The following FSIP1 variants were observed in gnomAD, a reference collection of about 807,000 sequenced individuals.
The protein encoded by FSIP1 is fibrous sheath-interacting protein 1.
FSIP1 carries 65 observed loss-of-function variants against 60.9 expected under a neutral mutation model. That is an observed-to-expected ratio of 1.07 (90% CI 0.87 to 1.31). The LOEUF (loss-of-function observed/expected upper bound fraction) is 1.31, where lower values mean the gene tolerates loss of function less well. Among genes scored for constraint, FSIP1 ranks in the 40% most tolerant of loss-of-function variants. FSIP1 has a pLI of 0.00. For missense variants in FSIP1, 675 were observed against 665.5 expected (o/e 1.01, Z -0.16); for synonymous variants, 209 against 221.2 (o/e 0.94, Z 0.49).
chr15:39,743,614 G>T lies in FSIP1; in HGVS notation c.560-1714C>A, dbSNP rs541853072. Among the ~76,000 whole-genome samples the T allele has an allele frequency of 3.9e-5, 6 of 152,168 alleles. No individual in the cohort carries two copies. In the South Asian group the frequency reaches 1.2e-3, roughly 32 times the overall value. On this transcript the variant is annotated intron_variant, in intron 5 of 11. Transcript: ENST00000350221. ...TGGGTGACAGTTTGAGGAATAATAG[G>T]ATAATAGCCTCAAAGTATCTATCTC... is the stretch of plus-strand genomic sequence containing the variant.
At chr15:39,618,696 G>A (rs1595537309) in intron 10 of FSIP1, among the ~76,000 whole-genome samples, 2 of 152,208 alleles carry the variant, frequency 1.3e-5, no homozygotes, top group East Asian at 1.9e-4. Flanking sequence ...CGGTGTATTT[G>A]GGGAGAATGA....
intron 9 of FSIP1, among the ~76,000 whole-genome samples, chr15:39,718,844 T>C (rs897995670): frequency 6.6e-6 from 1 of 152,200 alleles, no homozygotes; most frequent in African/African-American, 2.4e-5. Flanking sequence ...GCTCTGACAA[T>C]GTGACTCTCC....
rs143654461 is a variant in FSIP1 at position 39,603,582 on chromosome 15, T to C, written c.1700-2656A>G. Reference sequence around the variant, plus strand: ...GTTATATGTGTCTCCAAACAAAATATTAACGAAGAAAGAGTAGAGAACTCA... The same window carrying C: ...GTTATATGTGTCTCCAAACAAAATACTAACGAAGAAAGAGTAGAGAACTCA... On this transcript the variant is annotated intron_variant, in intron 11 of 11. Transcript: ENST00000350221. Among the ~76,000 whole-genome samples the C allele has an allele frequency of 1.8e-3, 281 of 152,264 alleles. 1 individual carries two copies. Among genetic ancestry groups the C allele is most frequent in the African/African-American group, 6.1e-3 (255 of 41,546 alleles).
At chr15:39,732,045 G>C (rs1896424391) in intron 8 of FSIP1, among the ~76,000 whole-genome samples, 1 of 152,214 alleles carries the variant, frequency 6.6e-6, no homozygotes, top group Non-Finnish European at 1.5e-5. Context: ...AGAAAGGATG[G>C]TTTCAGGATG....
chr15:39,741,963 A>G (rs1474938896), intron 5 of FSIP1, 63 bp from the exon 6 acceptor site: 1 of 893,282 alleles, frequency 1.1e-6, no homozygotes, highest in Non-Finnish European at 1.8e-6. Context: ...TGTCTACAAA[A>G]TTGTTTTAAA....
chr15:39,711,745 C>T (rs2008623), intron 10 of FSIP1, among the ~76,000 whole-genome samples: 15,044 of 123,376 alleles, frequency 0.12, 883 homozygotes, highest in Middle Eastern at 0.39. Context: ...TGTGCAGTGG[C>T]GCAATCTCGG....
At chr15:39,652,955 C>T (rs1182251689) in intron 10 of FSIP1, among the ~76,000 whole-genome samples, 2 of 151,772 alleles carry the variant, frequency 1.3e-5, no homozygotes, top group South Asian at 2.1e-4. Flanking sequence ...GTGGGTGGAC[C>T]GCTTGAGCTC....
intron 4 of FSIP1, among the ~76,000 whole-genome samples, chr15:39,764,685 G>A (rs1352030559): frequency 6.6e-6 from 1 of 152,122 alleles, no homozygotes. Flanking sequence ...GGTCCAAGAA[G>A]GCCAAGGAAA....
intron 10 of FSIP1, among the ~76,000 whole-genome samples, chr15:39,664,327 G>C (rs1893413543): frequency 6.6e-6 from 1 of 151,940 alleles, no homozygotes; most frequent in Non-Finnish European, 1.5e-5. Context: ...CTAAAATTTT[G>C]GCTAAATGAG....
chr15:39,690,483 G>C (rs1443321032), intron 10 of FSIP1, among the ~76,000 whole-genome samples: 1 of 152,116 alleles, frequency 6.6e-6, no homozygotes, highest in Non-Finnish European at 1.5e-5. Context: ...TTGGTTTTGA[G>C]ACCCCATTAG....
chr15:39,719,026 T>C (rs773432220), intron 9 of FSIP1, among the ~76,000 whole-genome samples: 40 of 152,190 alleles, frequency 2.6e-4, no homozygotes, highest in Non-Finnish European at 5.1e-4. Flanking sequence ...CCAAAGGATA[T>C]ATAACAGCTT....
At chr15:39,661,365 A>T (rs940850149) in intron 10 of FSIP1, among the ~76,000 whole-genome samples, 1 of 152,232 alleles carries the variant, frequency 6.6e-6, no homozygotes, top group Non-Finnish European at 1.5e-5. Context: ...ATCTGCTACA[A>T]ATTTTGACTC....
At chr15:39,681,509 T>A (rs1027499715) in intron 10 of FSIP1, among the ~76,000 whole-genome samples, 1 of 152,128 alleles carries the variant, frequency 6.6e-6, no homozygotes, top group Admixed American at 6.5e-5. Context: ...TAAGTTATGA[T>A]TAAAAGTGTC....
chr15:39,770,123 T>A (rs1897829830), intron 3 of FSIP1, among the ~76,000 whole-genome samples: 1 of 152,178 alleles, frequency 6.6e-6, no homozygotes, highest in Non-Finnish European at 1.5e-5. Flanking sequence ...ACAATTTTAG[T>A]CATCAAAAAA....
At chr15:39,662,181 G>A (rs1412617707) in intron 10 of FSIP1, among the ~76,000 whole-genome samples, 1 of 151,988 alleles carries the variant, frequency 6.6e-6, no homozygotes, top group Non-Finnish European at 1.5e-5. Context: ...GAGGAGGGGA[G>A]GAAGATCATT....
At chr15:39,648,288 T>C (rs2140431419) in intron 10 of FSIP1, among the ~76,000 whole-genome samples, 1 of 152,202 alleles carries the variant, frequency 6.6e-6, no homozygotes, top group Admixed American at 6.5e-5. Flanking sequence ...TTCTAAATTT[T>C]AATTTTAGTC....
intron 10 of FSIP1, among the ~76,000 whole-genome samples, chr15:39,635,289 C>G (rs1412781954): frequency 2.6e-5 from 4 of 151,438 alleles, no homozygotes; most frequent in African/African-American, 9.7e-5. Flanking sequence ...GAGCTGAGAT[C>G]ATGCCACTGC....
chr15:39,661,772 T>C (rs1259940191), intron 10 of FSIP1, among the ~76,000 whole-genome samples: 3 of 152,180 alleles, frequency 2.0e-5, no homozygotes, highest in African/African-American at 7.2e-5. Context: ...CCACACATAT[T>C]AATTTTTGGG....
intron 10 of FSIP1, among the ~76,000 whole-genome samples, chr15:39,707,247 G>C (rs1475847664): frequency 6.6e-6 from 1 of 152,120 alleles, no homozygotes; most frequent in Non-Finnish European, 1.5e-5. Flanking sequence ...TTTCGCAGCA[G>C]GGTTTCCAAC....
Sources: gnomAD v4.1 joint callset for allele counts (sites outside exome capture counted in the v4.1 genomes callset) on GRCh38, gnomAD v4.1.1 for gene constraint, MANE v1.5 for transcripts, NCBI Gene and HGNC (gene_info 2026-07-23, HGNC 2026-07-21) for gene names.